COX17: variants seen among roughly 807,000 people sequenced by gnomAD.
COX17 encodes the protein cytochrome c oxidase copper chaperone.
In COX17, 1 loss-of-function variant was observed where a neutral mutation model predicts 6.3. The observed-to-expected ratio is 0.16, with a 90% CI of 0.06 to 0.75. The LOEUF is 0.75. Among genes scored for constraint, COX17 ranks in the 30% least tolerant of loss-of-function variants. The probability of loss-of-function intolerance (pLI) is 0.77; values close to 1 mark genes in which losing one functional copy is unlikely to be tolerated. For synonymous variants in COX17, 26 were observed against 30.5 expected (o/e 0.85, Z 0.49); for missense variants, 73 against 81.2 (o/e 0.90, Z 0.39).
In COX17 at chr3:119,677,279, G is replaced by A. The variant is rs756138478; in HGVS notation, c.32C>T (p.Pro11Leu). ...CGGCTTCTTCTCCTGAGACTCAGGC[G>A]GGGCAGGGTTTGAGTCAACCAGACC... is the stretch of plus-strand genomic sequence containing the variant. MPGLVDSNPA[P>L]PESQEKKPLK... The change falls in exon 1 of 3, where the codon CCG (proline) becomes CTG (leucine). Residue 11 changes from proline (P) to leucine (L), a missense_variant. Pro to Leu is a moderately conservative substitution (Grantham distance 98, BLOSUM62 -3). Coordinates refer to ENST00000261070, the MANE Select transcript of COX17 (RefSeq NM_005694.2). 9.3e-6 allele frequency: 15 copies of A among 1,611,932 alleles called. No homozygotes were observed. Among genetic ancestry groups the A allele is most frequent in the Middle Eastern group, 2.2e-4 (1 of 4,458 alleles).
intron 1 of COX17, 165 bp downstream of exon 1, chr3:119,677,033 GGGCAGA>G (rs1404682198): frequency 1.3e-5 from 7 of 532,004 alleles, no homozygotes; most frequent in African/African-American, 2.3e-5. Flanking sequence ...CGGGGGGGGG[GGGCAGA>G]CAGGGAGGAG....
chr3:119,665,141 C>T (rs1041960705), downstream of COX17: 1 of 152,176 alleles, frequency 6.6e-6, no homozygotes, highest in Non-Finnish European at 1.5e-5. Context: ...ATCTCATTCC[C>T]CTTGATAGCG....
downstream of COX17, among the ~76,000 whole-genome samples, chr3:119,664,841 T>C (rs2052978874): frequency 1.3e-5 from 2 of 152,196 alleles, no homozygotes; most frequent in Non-Finnish European, 2.9e-5. Context: ...TGTGATGAAT[T>C]GAGGGGAAAA....
At chr3:119,667,341 T>TG (rs1388416482), downstream of COX17, among the ~76,000 whole-genome samples, 1 of 151,998 alleles carries the variant, frequency 6.6e-6, no homozygotes, top group African/African-American at 2.4e-5. Context: ...TAGGAAAGGG[T>TG]GGGCAGAGGG....
chr3:119,677,189 CG>C lies in COX17; in HGVS notation c.107+14del, dbSNP rs761097475. ...CGGGGCTCGTCGGCCGCGCCCTCTC[CG>C]GCTGCGCACTGACCACGCATCGCGC... is the stretch of plus-strand genomic sequence containing the variant. On this transcript the variant is annotated intron_variant, in intron 1 of 2. Coordinates refer to ENST00000261070, the MANE Select transcript of COX17 (RefSeq NM_005694.2). 6.2e-7 allele frequency: 1 copy of C among 1,600,312 alleles called. No individual in the cohort carries two copies. The highest frequency in any genetic ancestry group is 2.3e-5 in the East Asian group (1 of 44,338).
intron 2 of COX17, among the ~76,000 whole-genome samples, chr3:119,670,562 T>C (rs896836117): frequency 6.6e-6 from 1 of 152,194 alleles, no homozygotes; most frequent in African/African-American, 2.4e-5. Context: ...AGGGGCTGTG[T>C]GGTGGAAGAC....
rs1202359754 is a variant in COX17 at position 119,669,541 on chromosome 3, T to C, written c.*129A>G. 6.6e-6 allele frequency: 1 copy of C among 152,206 alleles called. No homozygotes were observed. Among genetic ancestry groups the C allele is most frequent in the Non-Finnish European group, 1.5e-5 (1 of 68,028 alleles). 9.4% of individuals were successfully genotyped at this position (152,206 alleles called of 1,614,324 possible). A position where few individuals can be genotyped will look rare whatever the true frequency, so the allele number is the denominator to read the frequency against. On this transcript the variant is annotated 3_prime_UTR_variant, in exon 3 of 3. Coordinates refer to ENST00000261070, the MANE Select transcript of COX17 (RefSeq NM_005694.2). ...AACACAACTGAAGATCTTCCACTAG[T>C]AATATTTTACTTTCTTCTTACAATA... is the stretch of plus-strand genomic sequence containing the variant.
At chr3:119,669,425 T>TAAGA (rs2053022657), downstream of COX17, 1 of 152,200 alleles carries the variant, frequency 6.6e-6, no homozygotes, top group Middle Eastern at 3.4e-3. Flanking sequence ...GACATAGTAA[T>TAAGA]AAGAACATAA....
rs777032875 is a variant in COX17 at position 119,676,908 on chromosome 3, C to T, written c.107+296G>A. The T allele has an allele frequency of 3.0e-5, 21 of 702,680 alleles. No individual in the cohort carries two copies. The South Asian group carries it at 3.1e-4, about 10-fold the overall frequency. The allele number at this position is 702,680 out of a possible 1,614,324, so 43.5% of individuals were successfully genotyped here. A position where few individuals can be genotyped will look rare whatever the true frequency, so the allele number is the denominator to read the frequency against. ...GTTGAAGCTTGCCGTTCTCCTCTCT[C>T]TCCATCGTTTCCCGGTACTAAGCTA... On this transcript the variant is annotated intron_variant, in intron 1 of 2. Coordinates refer to ENST00000261070, the MANE Select transcript of COX17 (RefSeq NM_005694.2).
Position 119,677,241 on chromosome 3 carries a change from A to C in COX17, c.70T>G (p.Cys24Gly), listed in dbSNP as rs1440249464. The C allele has an allele frequency of 1.2e-6, 2 of 1,611,960 alleles. No homozygotes were observed. Among genetic ancestry groups the C allele is most frequent in the East Asian group, 4.5e-5 (2 of 44,888 alleles). ...GCCTTCTTGGTCTCCGGGCAAGCGC[A>C]GCAGGGCTTCAGCGGCTTCTTCTCC... ...SQEKKPLKPC[C>G]ACPETKKARD... The change falls in exon 1 of 3, where the codon TGC (cysteine) becomes GGC (glycine). Residue 24 changes from cysteine (C) to glycine (G), a missense_variant. Transcript: ENST00000261070.
intron 1 of COX17, chr3:119,676,802 T>G: frequency 1.4e-6 from 1 of 701,910 alleles, no homozygotes; most frequent in Non-Finnish European, 2.6e-6. Context: ...TGCATCTTTA[T>G]CCATGTCTAC....
At chr3:119,673,659 T>C (rs190695231) in intron 2 of COX17, among the ~76,000 whole-genome samples, 1 of 152,306 alleles carries the variant, frequency 6.6e-6, no homozygotes, top group Admixed American at 6.5e-5. Context: ...AAAGCCTCTC[T>C]AATAAGGAGA....
Position 119,677,106 on chromosome 3 carries a change from C to T in COX17, c.107+98G>A, listed in dbSNP as rs546679052. On this transcript the variant is annotated intron_variant, in intron 1 of 2. Transcript: ENST00000261070. ...AGGGCAGAAGGCAGAGGGCAGAGGG[C>T]AGAAGGCAGAGGGCAGAGGCCGTAG... is the stretch of plus-strand genomic sequence containing the variant. 22 of 896,554 alleles carry T rather than the reference C, an allele frequency of 2.5e-5. 1 individual carries two copies. In the South Asian group the frequency reaches 2.9e-4, roughly 12 times the overall value. The allele number at this position is 896,554 out of a possible 1,614,324, so 55.5% of individuals were successfully genotyped here.
chr3:119,670,750 TTTTGTG>T (rs1216761524), intron 2 of COX17, among the ~76,000 whole-genome samples: 185 of 75,168 alleles, frequency 2.5e-3, no homozygotes, highest in African/African-American at 0.01. Flanking sequence ...ACATGATCAG[TTTTGTG>T]TGTGTGTGTG....
chr3:119,676,487 T>A (rs1460009606), intron 1 of COX17, among the ~76,000 whole-genome samples: 2 of 152,344 alleles, frequency 1.3e-5, no homozygotes, highest in South Asian at 2.1e-4. Flanking sequence ...AGAGGCTATA[T>A]AAAATGAGAA....
intron 1 of COX17, 162 bp downstream of exon 1, chr3:119,677,042 G>A (rs2053109568): frequency 1.6e-6 from 1 of 626,276 alleles, no homozygotes; most frequent in Admixed American, 2.5e-5. Flanking sequence ...GGGGCAGACA[G>A]GGAGGAGGAG....
chr3:119,669,267 A>G (rs926423993), downstream of COX17: 2 of 148,042 alleles, frequency 1.4e-5, no homozygotes, highest in African/African-American at 2.5e-5. Flanking sequence ...AAAAAAAAAA[A>G]GAGTGTTGAA....
chr3:119,666,356 A>G (rs1342943526), downstream of COX17, among the ~76,000 whole-genome samples: 1 of 152,206 alleles, frequency 6.6e-6, no homozygotes, highest in Non-Finnish European at 1.5e-5. Flanking sequence ...AGCTGAGATG[A>G]AAATAACTTG....
Position 119,677,231 on chromosome 3 carries a change from G to T in COX17, c.80C>A (p.Pro27Gln). ...KKPLKPCCAC[P>Q]ETKKARDACI... ...CGCATCGCGCGCCTTCTTGGTCTCCGGGCAAGCGCAGCAGGGCTTCAGCGG... is the reference window on the plus strand; with the variant it reads ...CGCATCGCGCGCCTTCTTGGTCTCCTGGCAAGCGCAGCAGGGCTTCAGCGG... Residue 27 changes from proline to glutamine, a missense_variant, in exon 1 of 3, where the codon CCG becomes CAG. Coordinates refer to ENST00000261070, the MANE Select transcript of COX17 (RefSeq NM_005694.2). 6.2e-7 allele frequency: 1 copy of T among 1,611,718 alleles called. No individual in the cohort carries two copies. Among genetic ancestry groups the T allele is most frequent in the Non-Finnish European group, 8.5e-7 (1 of 1,179,820 alleles).
Sources: gnomAD v4.1 joint callset for allele counts (sites outside exome capture counted in the v4.1 genomes callset) on GRCh38, gnomAD v4.1.1 for gene constraint, MANE v1.5 for transcripts, NCBI Gene and HGNC (gene_info 2026-07-23, HGNC 2026-07-21) for gene names.